FGF13: variants seen among roughly 807,000 people sequenced by gnomAD.
The protein encoded by FGF13 is fibroblast growth factor homologous factor 2.
In FGF13, 2 loss-of-function variants were observed where a neutral mutation model predicts 19.5. That is an observed-to-expected ratio of 0.10 (90% confidence interval 0.04 to 0.32). The LOEUF (loss-of-function observed/expected upper bound fraction) is 0.32, where lower values mean the gene tolerates loss of function less well. Among genes scored for constraint, FGF13 ranks in the 10% least tolerant of loss-of-function variants. The pLI is 1.00. For synonymous variants in FGF13, 72 were observed against 76.9 expected (o/e 0.94, Z 0.33); for missense variants, 113 against 192.7 (o/e 0.59, Z 2.45).
At chrX:139,017,843 G>C (rs940287964) in intron 1 of FGF13, among the ~76,000 whole-genome samples, 1 of 111,613 alleles carries the variant, frequency 9.0e-6, no homozygotes, top group African/African-American at 3.3e-5. Flanking sequence ...TGAAAAACTG[G>C]AGTAATTCAG....
At chrX:139,132,955 T>C (rs1241913460) in intron 1 of FGF13, among the ~76,000 whole-genome samples, 2 of 111,521 alleles carry the variant, frequency 1.8e-5, no homozygotes, top group African/African-American at 6.5e-5. Context: ...TCTTTTCTTA[T>C]AATTGACCAG....
intron 1 of FGF13, among the ~76,000 whole-genome samples, chrX:138,922,414 C>A (rs758645333): frequency 9.0e-6 from 1 of 111,535 alleles, no homozygotes; most frequent in Non-Finnish European, 1.9e-5. Flanking sequence ...GGGCTCTGCA[C>A]GCCTCAATCT....
rs2090850278 is a variant in FGF13 at position 138,804,282 on chromosome X, C to T, written c.217+53230G>A. 4.5e-5 allele frequency among the ~76,000 whole-genome samples: 5 copies of T among 112,123 alleles called. No individual in the cohort carries two copies. In the South Asian group the frequency reaches 1.9e-3, roughly 42 times the overall value. ...TTTTCCTGACCTTATCAGAACCATTCACTTTATTCTCATGGACAGCTAAAT... is the reference window on the plus strand; with the variant it reads ...TTTTCCTGACCTTATCAGAACCATTTACTTTATTCTCATGGACAGCTAAAT... On this transcript the variant is annotated intron_variant, in intron 3 of 6. Coordinates refer to the FGF13 transcript ENST00000436198.
chrX:139,039,516 A>G lies in FGF13; in HGVS notation c.-113+163900T>C, dbSNP rs183945381. On this transcript the variant is annotated intron_variant, in intron 1 of 2. Coordinates refer to the FGF13 transcript ENST00000421460. ...CATGCTATAACCAGAGGAGAAGGAA[A>G]ACAGGTATTTTCAACTACTGTTTTG... Among the ~76,000 whole-genome samples, 5 of 111,963 alleles carry G rather than the reference A, an allele frequency of 4.5e-5. No homozygotes were observed. The East Asian group carries it at 1.4e-3, about 32-fold the overall frequency.
At chrX:139,108,872 T>C (rs1338948283) in intron 1 of FGF13, among the ~76,000 whole-genome samples, 15 of 102,222 alleles carry the variant, frequency 1.5e-4, no homozygotes, top group Non-Finnish European at 2.6e-4. Context: ...CAGTGTGTGT[T>C]GTTCCCCTCC....
At chrX:139,104,584 C>A (rs2083543659) in intron 1 of FGF13, among the ~76,000 whole-genome samples, 1 of 111,653 alleles carries the variant, frequency 9.0e-6, no homozygotes, top group African/African-American at 3.3e-5. Flanking sequence ...GCTGCTATAA[C>A]ATAGTACCAT....
intron 1 of FGF13, among the ~76,000 whole-genome samples, chrX:138,896,743 GC>G (rs2091506243): frequency 9.0e-6 from 1 of 111,535 alleles, no homozygotes; most frequent in South Asian, 3.8e-4. Flanking sequence ...GAAAATAATT[GC>G]CCTTCGACAT....
chrX:138,952,529 T>C (rs1333706554), intron 1 of FGF13, among the ~76,000 whole-genome samples: 6 of 111,796 alleles, frequency 5.4e-5, no homozygotes, highest in African/African-American at 2.0e-4. Context: ...AAGGACTTCA[T>C]GTCTAAAACA....
chrX:138,987,859 A>G (rs188243508), intron 1 of FGF13, among the ~76,000 whole-genome samples: 33 of 112,310 alleles, frequency 2.9e-4, no homozygotes, highest in African/African-American at 9.0e-4. Flanking sequence ...TTCATTCTCA[A>G]TGTTGATGAG....
chrX:139,119,144 T>C (rs1401667402), intron 1 of FGF13, among the ~76,000 whole-genome samples: 1 of 112,000 alleles, frequency 8.9e-6, no homozygotes, highest in African/African-American at 3.2e-5. Context: ...TAGTGAGCTA[T>C]GATTGTGCCA....
chrX:138,822,992 AG>A (rs1397449611), intron 3 of FGF13, among the ~76,000 whole-genome samples: 2 of 111,678 alleles, frequency 1.8e-5, no homozygotes, highest in Non-Finnish European at 3.8e-5. Flanking sequence ...TGTGGAGATG[AG>A]GAAAGTGTCA....
chrX:138,830,004 C>A (rs934862492), intron 3 of FGF13, among the ~76,000 whole-genome samples: 3 of 112,638 alleles, frequency 2.7e-5, no homozygotes, highest in African/African-American at 9.7e-5. Flanking sequence ...CAGGCGTGAG[C>A]CATCGCGCCT....
intron 3 of FGF13, among the ~76,000 whole-genome samples, chrX:138,681,360 A>G (rs951099108): frequency 1.8e-5 from 2 of 109,983 alleles, no homozygotes; most frequent in Admixed American, 1.9e-4. Context: ...CTAGCTTGCA[A>G]CTTTTCTTCT....
chrX:139,116,228 G>A (rs1290127225), intron 1 of FGF13, among the ~76,000 whole-genome samples: 1 of 112,281 alleles, frequency 8.9e-6, no homozygotes, highest in East Asian at 2.8e-4. Flanking sequence ...TATACAATGA[G>A]TGATCATTGC....
chrX:139,133,344 G>GA (rs35534771), intron 1 of FGF13, among the ~76,000 whole-genome samples: 6,386 of 67,596 alleles, frequency 0.094, 420 homozygotes, highest in African/African-American at 0.19. Context: ...GGGACCACGT[G>GA]AAAAAAAAAA....
rs2090039900 is a variant in FGF13, at chrX:138,710,986, G to A, written c.18C>T (p.Ala6=). Residue 6 remains alanine, a synonymous_variant, in exon 1 of 5, where the codon GCC becomes GCT. Coordinates refer to ENST00000315930, the MANE Select transcript of FGF13 (RefSeq NM_004114.5). MAAAI[A]SSLIRQKRQA... ...GCCTCTTCTGACGGATGAGCGAGCTGGCGATAGCCGCCGCCATGGCCACGA... is the reference window on the plus strand; with the variant it reads ...GCCTCTTCTGACGGATGAGCGAGCTAGCGATAGCCGCCGCCATGGCCACGA... 4.1e-6 allele frequency: 5 copies of A among 1,210,293 alleles called. No homozygotes were observed. Among genetic ancestry groups the A allele is most frequent in the Admixed American group, 2.2e-5 (1 of 46,095 alleles).
chrX:138,790,137 TC>T (rs1415128340), intron 3 of FGF13, among the ~76,000 whole-genome samples: 1 of 101,949 alleles, frequency 9.8e-6, no homozygotes, highest in African/African-American at 3.6e-5. Flanking sequence ...TTTTTCACAG[TC>T]TTGGAGGCTG....
chrX:139,172,900 C>T (rs1219641008), intron 1 of FGF13, among the ~76,000 whole-genome samples: 1 of 111,606 alleles, frequency 9.0e-6, no homozygotes, highest in African/African-American at 3.3e-5. Flanking sequence ...CACCAACCTC[C>T]AGCTGACTTC....
intron 1 of FGF13, among the ~76,000 whole-genome samples, chrX:139,196,071 G>C (rs1204233943): frequency 1.8e-5 from 2 of 111,864 alleles, no homozygotes; most frequent in African/African-American, 6.5e-5. Context: ...GAAAGAAGGA[G>C]AGTCGGAGGA....
Sources: gnomAD v4.1 joint callset for allele counts (sites outside exome capture counted in the v4.1 genomes callset) on GRCh38, gnomAD v4.1.1 for gene constraint, MANE v1.5 for transcripts, NCBI Gene and HGNC (gene_info 2026-07-23, HGNC 2026-07-21) for gene names.